Variants in APLF observed in about 807,000 individuals in gnomAD.
APLF encodes the protein aprataxin and PNKP like factor, also known as aprataxin and PNK-like factor.
In APLF, 61 loss-of-function variants were observed where a neutral mutation model predicts 55.6. That is an observed-to-expected ratio of 1.10 (90% CI 0.89 to 1.36). APLF has a LOEUF of 1.36. APLF is among the 40% of genes most tolerant of loss of function. The pLI is 0.00. For missense variants in APLF, 611 were observed against 602.5 expected, an observed-to-expected ratio of 1.01 and a Z score of -0.15; for synonymous variants, 207 against 214.8, an observed-to-expected ratio of 0.96 and a Z score of 0.32.
chr2:68,485,898 C>T (rs560396617), intron 1 of APLF, among the ~76,000 whole-genome samples: 1 of 151,160 alleles, frequency 6.6e-6, no homozygotes, highest in Non-Finnish European at 1.5e-5. Flanking sequence ...CAACCTTGAC[C>T]TCCTGGGCTC....
intron 2 of APLF, among the ~76,000 whole-genome samples, chr2:68,498,627 T>C (rs1218038433): frequency 6.6e-6 from 1 of 152,212 alleles, no homozygotes; most frequent in Non-Finnish European, 1.5e-5. Context: ...TTATATTTCA[T>C]CTAAATTTAA....
intron 6 of APLF, among the ~76,000 whole-genome samples, chr2:68,527,838 G>T (rs1333521883): frequency 6.8e-6 from 1 of 147,482 alleles, no homozygotes; most frequent in African/African-American, 2.5e-5. Flanking sequence ...AGGCAGAGGC[G>T]CTCCTCACTT....
chr2:68,494,702 G>C (rs1229027452), intron 2 of APLF, among the ~76,000 whole-genome samples: 1 of 152,010 alleles, frequency 6.6e-6, no homozygotes, highest in African/African-American at 2.4e-5. Flanking sequence ...CCCACCCTGT[G>C]TCCATGTGTT....
At chr2:68,516,901 A>C (rs1049153198) in intron 5 of APLF, among the ~76,000 whole-genome samples, 1 of 131,252 alleles carries the variant, frequency 7.6e-6, no homozygotes, top group Admixed American at 9.2e-5. Flanking sequence ...ATAATAATAT[A>C]TTATATATCC....
chr2:68,541,365 A>T lies in APLF; in HGVS notation c.1160+3138A>T, dbSNP rs143175481. Among the ~76,000 whole-genome samples the T allele has an allele frequency of 4.0e-3, 605 of 152,274 alleles. 2 individuals are homozygous for T. Among genetic ancestry groups the T allele is most frequent in the Non-Finnish European group, 7.2e-3 (490 of 68,012 alleles). ...AGAAGGGTGAAAAGGCAAGGCACAA[A>T]GTAGATGAGGATATTTGTTACACAT... On this transcript the variant is annotated intron_variant, in intron 7 of 9. Coordinates refer to ENST00000303795, the MANE Select transcript of APLF (RefSeq NM_173545.3).
At chr2:68,509,707 C>T (rs1316170021) in intron 3 of APLF, among the ~76,000 whole-genome samples, 1 of 152,098 alleles carries the variant, frequency 6.6e-6, no homozygotes, top group Non-Finnish European at 1.5e-5. Flanking sequence ...ACCCAGCCAT[C>T]CCATTACTGG....
At chr2:68,518,858 T>G (rs1409294199) in intron 5 of APLF, among the ~76,000 whole-genome samples, 3 of 126,030 alleles carry the variant, frequency 2.4e-5, no homozygotes. Context: ...ATACTAATAT[T>G]ATGTCATTAA....
chr2:68,569,476 C>G (rs1438212994), intron 9 of APLF, among the ~76,000 whole-genome samples: 2 of 152,012 alleles, frequency 1.3e-5, no homozygotes, highest in African/African-American at 4.8e-5. Context: ...TTGGAGTTAG[C>G]AAGTGGATCA....
intron 6 of APLF, among the ~76,000 whole-genome samples, chr2:68,534,019 TAG>T (rs1314047133): frequency 6.6e-6 from 1 of 152,042 alleles, no homozygotes; most frequent in African/African-American, 2.4e-5. Flanking sequence ...AGTGAAGAAA[TAG>T]AGAATCTAAA....
At chr2:68,523,151 A>T (rs1432965379) in intron 5 of APLF, among the ~76,000 whole-genome samples, 1 of 151,982 alleles carries the variant, frequency 6.6e-6, no homozygotes, top group African/African-American at 2.4e-5. Flanking sequence ...AAAAGATAAA[A>T]CTCAGTAGAA....
chr2:68,478,638 C>T (rs1675855967), intron 1 of APLF, among the ~76,000 whole-genome samples: 1 of 152,082 alleles, frequency 6.6e-6, no homozygotes, highest in African/African-American at 2.4e-5. Context: ...GATGAATTCC[C>T]AGATGTCATT....
At chr2:68,518,683 TATATATCATTA>T (rs1307756833) in intron 5 of APLF, among the ~76,000 whole-genome samples, 2 of 116,512 alleles carry the variant, frequency 1.7e-5, no homozygotes, top group East Asian at 4.7e-4. Context: ...ATATCATGAA[TATATATCATTA>T]ATATATCATG....
rs72903938 is a variant in APLF, at chr2:68,568,638, C to T, written c.1333+1251C>T. Among the ~76,000 whole-genome samples the T allele has an allele frequency of 3.0e-3, 455 of 152,138 alleles. 1 individual carries two copies. Among genetic ancestry groups the T allele is most frequent in the African/African-American group, 0.011 (439 of 41,530 alleles). ...ATTATAGCATTGTCCCATGCAAGAG[C>T]ATTTGACACATTTATATAACTTTAT... On this transcript the variant is annotated intron_variant, in intron 9 of 9. Coordinates refer to ENST00000303795, the MANE Select transcript of APLF (RefSeq NM_173545.3).
intron 6 of APLF, among the ~76,000 whole-genome samples, chr2:68,530,079 C>A (rs1485025292): frequency 6.6e-6 from 1 of 152,202 alleles, no homozygotes; most frequent in African/African-American, 2.4e-5. Context: ...CACATGCCTC[C>A]CTGGCAGGCA....
At chr2:68,573,387 T>G (rs1225158291) in intron 9 of APLF, among the ~76,000 whole-genome samples, 1 of 152,058 alleles carries the variant, frequency 6.6e-6, no homozygotes, top group East Asian at 1.9e-4. Flanking sequence ...AAAAAGTAAT[T>G]TCCGGCCAGG....
In APLF at chr2:68,513,682, T is replaced by C. The variant is rs762404537; in HGVS notation, c.622+2T>C. Reference sequence around the variant, plus strand: ...TTTCAGTACCAGCAATCAGTGGAGGTAGGTTTTTGTTTCTACTAATGCTGA... The same window carrying C: ...TTTCAGTACCAGCAATCAGTGGAGGCAGGTTTTTGTTTCTACTAATGCTGA... On this transcript the variant is annotated splice_donor_variant, in intron 5 of 9. Transcript: ENST00000303795. LOFTEE classifies it high-confidence loss of function. 7.5e-6 allele frequency: 12 copies of C among 1,609,740 alleles called. No individual in the cohort carries two copies. The highest frequency in any genetic ancestry group is 2.2e-5 in the East Asian group (1 of 44,758).
intron 1 of APLF, among the ~76,000 whole-genome samples, chr2:68,480,649 T>C (rs934084724): frequency 1.3e-5 from 2 of 152,048 alleles, no homozygotes; most frequent in Non-Finnish European, 2.9e-5. Flanking sequence ...AATAGTACTA[T>C]ATTTAATAAG....
rs562135624 is a variant in APLF, at chr2:68,483,703, A to G, written c.97-6487A>G. Among the ~76,000 whole-genome samples the G allele has an allele frequency of 2.6e-5, 4 of 152,268 alleles. No individual in the cohort carries two copies. The East Asian group carries it at 7.7e-4, about 29-fold the overall frequency. On this transcript the variant is annotated intron_variant, in intron 1 of 9. Transcript: ENST00000303795. ...AAACAAATAATTTGTACTATAATAT[A>G]CATCCTGTGTACTATATTTGTACTA...
intron 1 of APLF, among the ~76,000 whole-genome samples, chr2:68,477,485 A>C (rs1457635903): frequency 6.6e-6 from 1 of 152,022 alleles, no homozygotes; most frequent in Non-Finnish European, 1.5e-5. Flanking sequence ...GTAAATTAAA[A>C]AAAAAATTAG....
Sources: allele counts gnomAD v4.1 joint callset (sites outside exome capture counted in the v4.1 genomes callset), GRCh38; gene constraint gnomAD v4.1.1; transcripts MANE v1.5; gene names NCBI Gene and HGNC (gene_info 2026-07-23, HGNC 2026-07-21).